Variants in EIF4G3 observed in about 807,000 individuals in gnomAD.
The protein encoded by EIF4G3 is eukaryotic translation initiation factor 4 gamma 3, also known as eIF-4-gamma 3.
Under a neutral mutation model 186.4 loss-of-function variants are expected in EIF4G3, and 34 were observed. The ratio of observed to expected loss-of-function variants is 0.18; its 90% confidence interval spans 0.14 to 0.24. EIF4G3 has a LOEUF of 0.24. Among genes scored for constraint, EIF4G3 ranks in the 10% least tolerant of loss-of-function variants. EIF4G3 has a pLI of 1.00. For missense variants in EIF4G3, 1,536 were observed against 1,948.5 expected (o/e 0.79, Z 3.99); for synonymous variants, 673 against 679.5 (o/e 0.99, Z 0.15).
chr1:20,930,828 T>C (rs912655108), intron 14 of EIF4G3, among the ~76,000 whole-genome samples: 1 of 152,204 alleles, frequency 6.6e-6, no homozygotes, highest in Admixed American at 6.6e-5. Flanking sequence ...TGCTTATTAA[T>C]GTTGATATAT....
intron 24 of EIF4G3, among the ~76,000 whole-genome samples, chr1:20,859,668 C>T (rs1396743127): frequency 2.6e-5 from 4 of 152,202 alleles, no homozygotes; most frequent in African/African-American, 7.2e-5. Flanking sequence ...GGCGCGATCG[C>T]GGCTCACCGC....
At chr1:20,977,184 T>C (rs978354957) in intron 10 of EIF4G3, among the ~76,000 whole-genome samples, 2 of 152,036 alleles carry the variant, frequency 1.3e-5, no homozygotes, top group African/African-American at 4.8e-5. Context: ...CACTCTATAT[T>C]ATTGAAATTT....
chr1:20,923,441 T>C (rs1015179266), intron 14 of EIF4G3, among the ~76,000 whole-genome samples: 1 of 152,124 alleles, frequency 6.6e-6, no homozygotes, highest in Non-Finnish European at 1.5e-5. Context: ...TTTGAACCAC[T>C]TCTACCATCA....
At chr1:20,922,540 G>A (rs1371078270) in intron 14 of EIF4G3, among the ~76,000 whole-genome samples, 4 of 151,988 alleles carry the variant, frequency 2.6e-5, no homozygotes, top group African/African-American at 4.8e-5. Flanking sequence ...CAGATAATCC[G>A]CCCGCCTGGG....
intron 13 of EIF4G3, among the ~76,000 whole-genome samples, chr1:20,946,065 A>AAGTCTCTCAATGTCTC (rs2095935340): frequency 6.6e-6 from 1 of 152,200 alleles, no homozygotes; most frequent in African/African-American, 2.4e-5. Flanking sequence ...TGGTTGTCAC[A>AAGTCTCTCAATGTCTC]AGTCTCTCAA....
intron 12 of EIF4G3, among the ~76,000 whole-genome samples, chr1:20,952,753 G>A (rs1393547103): frequency 1.3e-5 from 2 of 152,142 alleles, no homozygotes; most frequent in Non-Finnish European, 2.9e-5. Context: ...GGGAGGCTGA[G>A]GCAGGAGAAT....
intron 14 of EIF4G3, among the ~76,000 whole-genome samples, chr1:20,928,021 C>T (rs2095044328): frequency 6.6e-6 from 1 of 151,966 alleles, no homozygotes; most frequent in South Asian, 2.1e-4. Context: ...CCATGCTTGG[C>T]TAATTTTTTA....
intron 3 of EIF4G3, among the ~76,000 whole-genome samples, chr1:21,057,505 G>A (rs146499489): frequency 6.6e-6 from 1 of 152,080 alleles, no homozygotes; most frequent in Non-Finnish European, 1.5e-5. Context: ...AGAGAAGCAG[G>A]AAAATGACTT....
At chr1:20,867,672 T>A (rs1185554710) in intron 20 of EIF4G3, among the ~76,000 whole-genome samples, 1 of 152,178 alleles carries the variant, frequency 6.6e-6, no homozygotes, top group Non-Finnish European at 1.5e-5. Context: ...GGCCTATGAT[T>A]AAACATTAAG....
intron 2 of EIF4G3, among the ~76,000 whole-genome samples, chr1:21,092,121 T>C (rs1415690031): frequency 6.6e-6 from 1 of 152,182 alleles, no homozygotes; most frequent in Non-Finnish European, 1.5e-5. Flanking sequence ...TGATATTGGC[T>C]GTGGGTTTGT....
intron 20 of EIF4G3, among the ~76,000 whole-genome samples, chr1:20,875,570 T>C (rs1415326240): frequency 6.6e-6 from 1 of 152,072 alleles, no homozygotes; most frequent in Non-Finnish European, 1.5e-5. Flanking sequence ...AGAAAGCACA[T>C]ATGTTAGTCA....
intron 14 of EIF4G3, among the ~76,000 whole-genome samples, chr1:20,922,311 C>CT (rs1049198555): frequency 2.7e-4 from 40 of 149,362 alleles, no homozygotes; most frequent in Admixed American, 4.0e-4. Flanking sequence ...AAGTCTATCT[C>CT]TTTTTTTTTT....
At chr1:20,997,145 G>C (rs1324215551) in intron 7 of EIF4G3, among the ~76,000 whole-genome samples, 1 of 151,814 alleles carries the variant, frequency 6.6e-6, no homozygotes. Context: ...TTTATTACTA[G>C]ATCTAAGTTA....
At chr1:20,817,883 C>G (rs370891719) in intron 33 of EIF4G3, among the ~76,000 whole-genome samples, 3 of 151,768 alleles carry the variant, frequency 2.0e-5, no homozygotes, top group East Asian at 3.9e-4. Context: ...GCCATGCTGC[C>G]CAGGCTGGTC....
At position 20,949,532 on chromosome 1, in the gene EIF4G3, C is replaced by T. The variant is rs548881995; in HGVS notation, c.823+471G>A. On this transcript the variant is annotated intron_variant, in intron 13 of 36. Coordinates refer to ENST00000602326, the MANE Select transcript of EIF4G3 (RefSeq NM_001391906.1). ...CTCAATCAAGACCAAATAACTAGTG[C>T]ATGATGGAGCCGGGATTGGAACTTG... Among the ~76,000 whole-genome samples the T allele has an allele frequency of 9.8e-5, 15 of 152,286 alleles. No individual in the cohort carries two copies. The South Asian group carries it at 3.1e-3, about 32-fold the overall frequency.
At chr1:20,873,653 A>G (rs1246543744) in intron 20 of EIF4G3, among the ~76,000 whole-genome samples, 1 of 149,216 alleles carries the variant, frequency 6.7e-6, no homozygotes, top group Non-Finnish European at 1.5e-5. Flanking sequence ...TTACAGAACT[A>G]TGGTTTATCT....
At chr1:21,003,921 A>G (rs999117772) in intron 4 of EIF4G3, 2 of 199,140 alleles carry the variant, frequency 1.0e-5, no homozygotes, top group South Asian at 7.7e-5. Flanking sequence ...CAACCAGAAC[A>G]TTCATATACA....
At chr1:20,975,966 C>T (rs995605186) in intron 10 of EIF4G3, among the ~76,000 whole-genome samples, 4 of 151,782 alleles carry the variant, frequency 2.6e-5, no homozygotes, top group African/African-American at 9.7e-5. Flanking sequence ...ATACAGCCTG[C>T]AAAACCTGAG....
chr1:21,141,517 A>G (rs4607847), intron 2 of EIF4G3, among the ~76,000 whole-genome samples: 145,261 of 150,158 alleles, frequency 0.97, 70,454 homozygotes, highest in East Asian at 1. Flanking sequence ...CTTACTTAGT[A>G]ATTACAACAC....
Sources: allele counts gnomAD v4.1 joint callset (sites outside exome capture counted in the v4.1 genomes callset), GRCh38; gene constraint gnomAD v4.1.1; transcripts MANE v1.5; gene names NCBI Gene and HGNC (gene_info 2026-07-23, HGNC 2026-07-21).